UVSSA: variants seen among roughly 807,000 people sequenced by gnomAD.
UVSSA encodes the protein UV-stimulated scaffold protein A.
UVSSA carries 72 observed loss-of-function variants against 73.9 expected under a neutral mutation model. The observed-to-expected ratio is 0.97, with a 90% confidence interval of 0.81 to 1.19. UVSSA has a LOEUF of 1.19. UVSSA is among the 50% of genes most tolerant of loss of function. The pLI is 0.00. For synonymous variants in UVSSA, 454 were observed against 391.3 expected (o/e 1.16, Z -1.89); for missense variants, 1,150 against 965.0 (o/e 1.19, Z -2.54).
chr4:1,379,383 C>G (rs1274380777), intron 10 of UVSSA, among the ~76,000 whole-genome samples: 2 of 152,220 alleles, frequency 1.3e-5, no homozygotes, highest in Non-Finnish European at 2.9e-5. Flanking sequence ...CCGGCCTCCT[C>G]TTGGCCGGCA....
chr4:1,363,037 C>T (rs1287485444), intron 7 of UVSSA, among the ~76,000 whole-genome samples: 1 of 152,166 alleles, frequency 6.6e-6, no homozygotes, highest in East Asian at 1.9e-4. Flanking sequence ...TGACTTGAAC[C>T]CTGAAAACAG....
chr4:1,371,575 G>A (rs978972268), intron 8 of UVSSA, among the ~76,000 whole-genome samples: 16 of 152,190 alleles, frequency 1.1e-4, no homozygotes, highest in Admixed American at 3.9e-4. Flanking sequence ...TGGACTTAGC[G>A]TTCCACATGG....
Position 1,351,838 on chromosome 4 carries a change from A to T in UVSSA, c.550+3A>T. On this transcript the variant is annotated splice_donor_region_variant and intron_variant, in intron 4 of 13. Coordinates refer to ENST00000389851, the MANE Select transcript of UVSSA (RefSeq NM_020894.4). ...CCAGGCGGAGAGGGAGATGCAAGGC[A>T]AGTGTCCAGGACGGAGGGAGGGGCC... The T allele has an allele frequency of 1.2e-6, 2 of 1,612,778 alleles. No individual in the cohort carries two copies. The highest frequency in any genetic ancestry group is 2.2e-5 in the South Asian group (2 of 91,076).
Position 1,355,274 on chromosome 4 carries a change from G to A in UVSSA, c.1176+29G>A, listed in dbSNP as rs763028326. Reference sequence around the variant, plus strand: ...AGTGGGCAGGCGGCGAGCGGGAAGGGGTCCCAGAGGCCTCAGTGGGGGAGG... The same window carrying A: ...AGTGGGCAGGCGGCGAGCGGGAAGGAGTCCCAGAGGCCTCAGTGGGGGAGG... On this transcript the variant is annotated intron_variant, in intron 7 of 13. Coordinates refer to ENST00000389851, the MANE Select transcript of UVSSA (RefSeq NM_020894.4). 1.9e-6 allele frequency: 3 copies of A among 1,586,820 alleles called. No homozygotes were observed. In the East Asian group the frequency reaches 6.8e-5, roughly 36 times the overall value.
At chr4:1,395,836 A>C in exon 14 of UVSSA, 1 of 1,613,404 alleles carries the variant, frequency 6.2e-7, no homozygotes, top group Non-Finnish European at 8.5e-7. Flanking sequence ...ATTTCTCTGC[A>C]CCTCGAGATA....
In UVSSA at chr4:1,386,293, C is replaced by T. The variant is rs1720109026; in HGVS notation, c.*332C>T. 1 of 259,426 alleles carries T rather than the reference C, an allele frequency of 3.9e-6. No individual in the cohort carries two copies. The highest frequency in any genetic ancestry group is 2.2e-5 in the African/African-American group (1 of 45,568). The allele number at this position is 259,426 out of a possible 1,614,324, so 16.1% of individuals were successfully genotyped here. On this transcript the variant is annotated 3_prime_UTR_variant, in exon 14 of 14. Coordinates refer to ENST00000389851, the MANE Select transcript of UVSSA (RefSeq NM_020894.4). ...GTTCAGCACGGACGGAATGTGTGTG[C>T]AGCTCAGCCTTCAGAGCGTGCATTC...
chr4:1,360,726 G>A (rs552293486), intron 7 of UVSSA, among the ~76,000 whole-genome samples: 1 of 152,322 alleles, frequency 6.6e-6, no homozygotes, highest in East Asian at 1.9e-4. Flanking sequence ...AAGGACACAG[G>A]CAGCTTTCAT....
rs555595373 is a variant in UVSSA, at chr4:1,354,390, G to A, written c.935-345G>A. ...GGAGGGGCGCCATCCTGTGGCGTGG[G>A]CTGTGGAGGGGAAGGTTCTGTGCCC... On this transcript the variant is annotated intron_variant, in intron 5 of 13. Transcript: ENST00000389851. The A allele has an allele frequency of 1.2e-5, 4 of 326,630 alleles. No homozygotes were observed. In the East Asian group the frequency reaches 2.1e-4, roughly 17 times the overall value. The allele number at this position is 326,630 out of a possible 1,614,324, so 20.2% of individuals were successfully genotyped here.
chr4:1,360,830 C>T (rs1411544144), intron 7 of UVSSA, among the ~76,000 whole-genome samples: 1 of 152,214 alleles, frequency 6.6e-6, no homozygotes, highest in Non-Finnish European at 1.5e-5. Flanking sequence ...TCATTCCGCT[C>T]TCCACTGAAG....
In UVSSA at chr4:1,380,038, T is replaced by C. The variant is rs376981724; in HGVS notation, c.1569-9T>C. ...CAGATGCTATGAGGGCCTCTGGCTG[T>C]GTCTGCAGGTCTGACTCCCAGCACC... On this transcript the variant is annotated splice_polypyrimidine_tract_variant and intron_variant, in intron 10 of 13. Coordinates refer to ENST00000389851, the MANE Select transcript of UVSSA (RefSeq NM_020894.4). 2 of 1,595,080 alleles carry C rather than the reference T, an allele frequency of 1.3e-6. No individual in the cohort carries two copies. Among genetic ancestry groups the C allele is most frequent in the African/African-American group, 2.7e-5 (2 of 74,664 alleles).
At chr4:1,383,638 G>A in intron 12 of UVSSA, 128 bp from the exon 13 acceptor site, 2 of 1,071,114 alleles carry the variant, frequency 1.9e-6, no homozygotes, top group Non-Finnish European at 2.8e-6. Flanking sequence ...TGCTGCCAGG[G>A]TACGGCCGTG....
At chr4:1,372,566 A>G (rs938099875) in intron 8 of UVSSA, among the ~76,000 whole-genome samples, 1 of 152,216 alleles carries the variant, frequency 6.6e-6, no homozygotes, top group Non-Finnish European at 1.5e-5. Flanking sequence ...CCACCCCATC[A>G]CATTGGATCA....
chr4:1,361,530 G>T lies in UVSSA; in HGVS notation c.1177-4790G>T, dbSNP rs572223735. Among the ~76,000 whole-genome samples the T allele has an allele frequency of 1.5e-3, 234 of 152,392 alleles. 1 individual carries two copies. Among genetic ancestry groups the T allele is most frequent in the African/African-American group, 5.4e-3 (223 of 41,594 alleles). On this transcript the variant is annotated intron_variant, in intron 7 of 13. Transcript: ENST00000389851. ...GCTGTGTCTGTGTCCAGCAGGTTCT[G>T]CTCGGCCCCGACAGTGCTGCCCGCC...
rs760316841 is a variant in UVSSA at position 1,354,863 on chromosome 4, G to A, written c.1047+16G>A. The A allele has an allele frequency of 9.5e-6, 15 of 1,575,758 alleles. No individual in the cohort carries two copies. In the South Asian group the frequency reaches 1.5e-4, roughly 15 times the overall value. ...GTGGATCCAGGTGAGCCTCGAACCT[G>A]GGACCTGTGGGTGGAGGGACGTGTG... On this transcript the variant is annotated intron_variant, in intron 6 of 13. Coordinates refer to ENST00000389851, the MANE Select transcript of UVSSA (RefSeq NM_020894.4).
exon 14 of UVSSA, chr4:1,394,464 C>T (rs1353720810): frequency 6.8e-6 from 11 of 1,608,580 alleles, no homozygotes; most frequent in Non-Finnish European, 9.4e-6. Context: ...AGCCAGGAAA[C>T]CCAGTTTTTA....
chr4:1,362,524 A>C (rs1267755959), intron 7 of UVSSA, among the ~76,000 whole-genome samples: 1 of 152,136 alleles, frequency 6.6e-6, no homozygotes, highest in East Asian at 1.9e-4. Flanking sequence ...CCTTTTCCAA[A>C]CCTAACCTCA....
chr4:1,380,935 C>G lies in UVSSA; in HGVS notation c.1808C>G (p.Pro603Arg). 3.7e-6 allele frequency: 6 copies of G among 1,613,046 alleles called. No homozygotes were observed. The highest frequency in any genetic ancestry group is 1.1e-5 in the South Asian group (1 of 91,076). ...PRDDEGRPLD[P>R]EDRAREQRRQ... Reference sequence around the variant, plus strand: ...GACGACGAAGGACGGCCGCTCGACCCGGAAGACAGGGCTCGTGAGCAGCGG... The same window carrying G: ...GACGACGAAGGACGGCCGCTCGACCGGGAAGACAGGGCTCGTGAGCAGCGG... Residue 603 changes from proline to arginine, a missense_variant, in exon 12 of 14, where the codon CCG (proline) becomes CGG (arginine). Physicochemically the swap from Pro to Arg is moderately radical, Grantham distance 103 (BLOSUM62 -2). Transcript: ENST00000389851.
At chr4:1,381,893 G>C (rs1398594158) in intron 12 of UVSSA, among the ~76,000 whole-genome samples, 1 of 152,080 alleles carries the variant, frequency 6.6e-6, no homozygotes, top group Non-Finnish European at 1.5e-5. Flanking sequence ...AGCTGGTCTT[G>C]AACTCCTGCA....
rs2276904 is a variant in UVSSA at position 1,355,241 on chromosome 4, G to A, written c.1172G>A (p.Arg391His). 115,269 of 1,610,274 alleles carry A rather than the reference G, an allele frequency of 0.072. 11,174 individuals carry two copies. The highest frequency in any genetic ancestry group is 0.4 in the East Asian group (17,742 of 44,624). ...ATCGAGCCTGAGGGAGGGGAAAGGC[G>A]CAGGGTGAGTGGGCAGGCGGCGAGC... ...LDIEPEGGER[R>H]RTEALGDAEE... The change falls in exon 7 of 14, where the codon CGC becomes CAC. Residue 391 changes from arginine (R) to histidine (H), a missense_variant. Coordinates refer to ENST00000389851, the MANE Select transcript of UVSSA (RefSeq NM_020894.4).
Sources: gnomAD v4.1 joint callset for allele counts (sites outside exome capture counted in the v4.1 genomes callset) on GRCh38, gnomAD v4.1.1 for gene constraint, MANE v1.5 for transcripts, NCBI Gene and HGNC (gene_info 2026-07-23, HGNC 2026-07-21) for gene names.